Variants in OSBP2 observed in about 807,000 individuals in gnomAD.
The protein encoded by OSBP2 is oxysterol binding protein 2, also known as oxysterol-binding protein 2.
A neutral mutation model predicts 96.0 loss-of-function variants in OSBP2; 66 were observed. The observed-to-expected ratio is 0.69, with a 90% CI of 0.56 to 0.84. The LOEUF is 0.84. Among genes scored for constraint, OSBP2 ranks in the 40% least tolerant of loss-of-function variants. The pLI is 0.00. For synonymous variants in OSBP2, 525 were observed against 520.9 expected, an observed-to-expected ratio of 1.01 and a Z score of -0.11; for missense variants, 1,038 against 1,222.7, an observed-to-expected ratio of 0.85 and a Z score of 2.25.
Position 30,845,238 on chromosome 22 carries a change from A to G in OSBP2, c.854-25191A>G, listed in dbSNP as rs981995298. On this transcript the variant is annotated intron_variant, in intron 2 of 13. Transcript: ENST00000332585. ...CTGAGGTCAGGAGTTTACAGCCAGT[A>G]TGGCCAACATGGTGAAACCCGTCTC... Among the ~76,000 whole-genome samples the G allele has an allele frequency of 3.0e-4, 45 of 152,252 alleles. 2 individuals carry two copies. The highest frequency in any genetic ancestry group is 2.9e-3 in the Admixed American group (44 of 15,294).
At chr22:30,794,794 CA>C (rs751106031) in intron 2 of OSBP2, among the ~76,000 whole-genome samples, 56 of 131,556 alleles carry the variant, frequency 4.3e-4, no homozygotes, top group Middle Eastern at 4.0e-3. Context: ...GAGACCGTCT[CA>C]AAAAAAAAAA....
At chr22:30,900,343 A>G (rs2040169060) in intron 12 of OSBP2, among the ~76,000 whole-genome samples, 1 of 152,164 alleles carries the variant, frequency 6.6e-6, no homozygotes, top group Admixed American at 6.5e-5. Flanking sequence ...AACATTATAC[A>G]GCTTTAATAA....
In OSBP2 at chr22:30,906,032, G is replaced by A; in HGVS notation, c.2571G>A (p.Glu857=). Residue 857 remains glutamate, a synonymous_variant, in exon 13 of 14, where the codon GAG becomes GAA. Coordinates refer to ENST00000332585, the MANE Select transcript of OSBP2 (RefSeq NM_030758.4). ...GCCTGTCGCGGCGCCGGCGGCTGGA[G>A]GCCTGCGGGCCGGGCAGCAGCTGCA... is the stretch of plus-strand genomic sequence containing the variant. The part of the protein sequence containing the change: ...KQRLSRRRRL[E]ACGPGSSCSS... 2 of 1,567,406 alleles carry A rather than the reference G, an allele frequency of 1.3e-6. No homozygotes were observed. Among genetic ancestry groups the A allele is most frequent in the Non-Finnish European group, 1.7e-6 (2 of 1,158,218 alleles).
intron 2 of OSBP2, chr22:30,822,849 CG>C: frequency 1.4e-6 from 1 of 694,600 alleles, no homozygotes. Context: ...CGGGGAGCCT[CG>C]GGGAACCCCT....
intron 12 of OSBP2, among the ~76,000 whole-genome samples, chr22:30,901,623 G>C (rs1209456742): frequency 6.6e-6 from 1 of 152,114 alleles, no homozygotes; most frequent in African/African-American, 2.4e-5. Flanking sequence ...CCAGCACTTT[G>C]GGAGGCCAAG....
At position 30,871,986 on chromosome 22, in the gene OSBP2, C is replaced by G. The variant is rs2039468813; in HGVS notation, c.1107+1304C>G. On this transcript the variant is annotated intron_variant, in intron 3 of 13. Transcript: ENST00000332585. The surrounding 1 kb of genome is among the most constrained non-coding windows in gnomAD (Gnocchi z 4.7). ...CTGAGGCTGGGCGAGGTGTGCCCCC[C>G]TTCCCGACTGCTGGGAAACTCAGCC... 1.3e-5 allele frequency among the ~76,000 whole-genome samples: 2 copies of G among 152,262 alleles called. No homozygotes were observed. Among genetic ancestry groups the G allele is most frequent in the African/African-American group, 2.4e-5 (1 of 41,476 alleles).
intron 1 of OSBP2, among the ~76,000 whole-genome samples, chr22:30,725,188 A>AAC (rs1423088284): frequency 9.0e-4 from 84 of 93,074 alleles, no homozygotes; most frequent in Middle Eastern, 5.9e-3. Context: ...AAACAAAAAA[A>AAC]CAAAAAAACA....
Position 30,887,506 on chromosome 22 carries a change from C to G in OSBP2, c.1188C>G (p.Arg396=), listed in dbSNP as rs143970004. 10 of 1,613,780 alleles carry G rather than the reference C, an allele frequency of 6.2e-6. No individual in the cohort carries two copies. The highest frequency in any genetic ancestry group is 7.6e-6 in the Non-Finnish European group (9 of 1,179,998). ...QRALQYEQEQ[R]VHLEETIEQL... is the part of the protein sequence containing the mutation. Reference sequence around the variant, plus strand: ...CACTGCAGTATGAGCAGGAGCAGCGCGTGCACTTGGAGGAAACCATTGAGC... The same window carrying G: ...CACTGCAGTATGAGCAGGAGCAGCGGGTGCACTTGGAGGAAACCATTGAGC... The change falls in exon 4 of 14, where the codon CGC becomes CGG. Residue 396 remains arginine (R), a synonymous_variant. Coordinates refer to ENST00000332585, the MANE Select transcript of OSBP2 (RefSeq NM_030758.4).
At chr22:30,760,028 AT>A (rs531776850) in intron 2 of OSBP2, among the ~76,000 whole-genome samples, 2,446 of 146,506 alleles carry the variant, frequency 0.017, 34 homozygotes, top group Middle Eastern at 0.045. Context: ...CGCCCAGCTA[AT>A]TTTTTTTTTT....
intron 2 of OSBP2, among the ~76,000 whole-genome samples, chr22:30,771,090 G>A (rs2090341420): frequency 6.6e-6 from 1 of 152,230 alleles, no homozygotes; most frequent in African/African-American, 2.4e-5. Flanking sequence ...TGTCCCCGTT[G>A]CTGGCTCTTC....
Position 30,705,097 on chromosome 22 carries a change from C to T in OSBP2, c.644+9544C>T, listed in dbSNP as rs141340699. Among the ~76,000 whole-genome samples, 164 of 152,258 alleles carry T rather than the reference C, an allele frequency of 1.1e-3. 3 individuals are homozygous for T. The East Asian group carries it at 0.029, about 27-fold the overall frequency. On this transcript the variant is annotated intron_variant, in intron 1 of 13. Transcript: ENST00000332585. The stretch of plus-strand genomic sequence containing the variant: ...TGCCAGTCTTGCAGGGTGTCAAACA[C>T]ATAGCATGTCTGCTGCTCTGTGTGC...
At chr22:30,711,739 C>CA (rs34152986) in intron 1 of OSBP2, among the ~76,000 whole-genome samples, 3,688 of 91,644 alleles carry the variant, frequency 0.04, 72 homozygotes, top group Middle Eastern at 0.1. Context: ...GACCCTATCT[C>CA]AAAAAAAAAA....
At chr22:30,822,620 C>G (rs1447995774) in intron 2 of OSBP2, 3 of 1,530,610 alleles carry the variant, frequency 2.0e-6, no homozygotes, top group Non-Finnish European at 2.6e-6. Flanking sequence ...GAGGCTGCCC[C>G]GCCGCGGGAA....
intron 2 of OSBP2, among the ~76,000 whole-genome samples, chr22:30,781,886 C>G (rs1412702822): frequency 6.6e-6 from 1 of 152,222 alleles, no homozygotes; most frequent in East Asian, 1.9e-4. Context: ...GTGGCTCATG[C>G]CCATAATCCC....
intron 3 of OSBP2, among the ~76,000 whole-genome samples, chr22:30,874,272 C>T (rs2039527505): frequency 6.6e-6 from 1 of 151,764 alleles, no homozygotes; most frequent in Admixed American, 6.6e-5. Flanking sequence ...CTTAGCCAGA[C>T]ATGGTGGTGC....
At chr22:30,725,940 T>C (rs1176898165) in intron 1 of OSBP2, among the ~76,000 whole-genome samples, 2 of 151,996 alleles carry the variant, frequency 1.3e-5, no homozygotes, top group Non-Finnish European at 2.9e-5. Flanking sequence ...CCACCACGCC[T>C]GGCTGATTTT....
chr22:30,901,230 G>A (rs11703002), intron 12 of OSBP2, among the ~76,000 whole-genome samples: 51 of 151,966 alleles, frequency 3.4e-4, no homozygotes, highest in Non-Finnish European at 5.2e-4. Context: ...CACCACGCCC[G>A]ACTAATTTTT....
upstream of OSBP2, chr22:30,694,370 C>T (rs2088980387): frequency 1.3e-6 from 2 of 1,521,456 alleles, no homozygotes; most frequent in East Asian, 4.9e-5. Context: ...GGGGGCGGGG[C>T]GTCGTCTTTA....
intron 2 of OSBP2, among the ~76,000 whole-genome samples, chr22:30,761,297 C>A (rs1207086169): frequency 1.3e-5 from 2 of 152,132 alleles, no homozygotes; most frequent in Non-Finnish European, 2.9e-5. Context: ...AGTCATATTT[C>A]TGTGTATTAG....
Sources: allele counts gnomAD v4.1 joint callset (sites outside exome capture counted in the v4.1 genomes callset), GRCh38; gene constraint gnomAD v4.1.1; non-coding constraint Gnocchi (gnomAD v3.1); transcripts MANE v1.5; gene names NCBI Gene and HGNC (gene_info 2026-07-23, HGNC 2026-07-21).